Variants in AGPS observed in about 807,000 individuals in gnomAD.
AGPS encodes the protein alkylglycerone phosphate synthase, also known as alkyldihydroxyacetonephosphate synthase, peroxisomal.
AGPS carries 26 observed loss-of-function variants against 90.7 expected under a neutral mutation model. The observed-to-expected ratio is 0.29, with a 90% confidence interval of 0.21 to 0.40. The LOEUF is 0.40. Ranked by LOEUF, AGPS falls within the 10% of genes least tolerant of loss-of-function variation. AGPS has a pLI of 1.00. For synonymous variants in AGPS, 294 were observed against 285.3 expected (o/e 1.03, Z -0.31); for missense variants, 540 against 816.1 (o/e 0.66, Z 4.12).
intron 19 of AGPS, among the ~76,000 whole-genome samples, chr2:177,528,677 G>T (rs954456200): frequency 6.6e-6 from 1 of 151,902 alleles, no homozygotes; most frequent in Non-Finnish European, 1.5e-5. Flanking sequence ...TATCTTGTTT[G>T]TCACTGTATT....
chr2:177,430,110 C>T (rs1442195659), intron 2 of AGPS, among the ~76,000 whole-genome samples: 1 of 152,210 alleles, frequency 6.6e-6, no homozygotes, highest in Non-Finnish European at 1.5e-5. Context: ...GTGTGGGATT[C>T]CTTCTCATTC....
At chr2:177,485,391 A>G (rs745764614) in intron 11 of AGPS, among the ~76,000 whole-genome samples, 1 of 152,208 alleles carries the variant, frequency 6.6e-6, no homozygotes, top group Non-Finnish European at 1.5e-5. Flanking sequence ...TACAATGGAA[A>G]TGTTGATTTC....
At chr2:177,398,218 C>T (rs1320624531) in intron 1 of AGPS, among the ~76,000 whole-genome samples, 3 of 152,064 alleles carry the variant, frequency 2.0e-5, no homozygotes, top group Non-Finnish European at 2.9e-5. Context: ...AACTTAACAT[C>T]GTTTGGCAAA....
intron 11 of AGPS, among the ~76,000 whole-genome samples, chr2:177,485,489 C>T (rs1252544594): frequency 6.6e-6 from 1 of 152,136 alleles, no homozygotes; most frequent in Non-Finnish European, 1.5e-5. Context: ...ACACAGAAGA[C>T]CTACTTGTGC....
intron 1 of AGPS, among the ~76,000 whole-genome samples, chr2:177,402,414 G>C (rs1685355125): frequency 6.6e-6 from 1 of 152,158 alleles, no homozygotes; most frequent in Non-Finnish European, 1.5e-5. Context: ...TTAAACTTCA[G>C]CTTCTGATTT....
At chr2:177,417,578 T>C (rs986079899) in intron 1 of AGPS, among the ~76,000 whole-genome samples, 2 of 152,220 alleles carry the variant, frequency 1.3e-5, no homozygotes, top group African/African-American at 4.8e-5. Context: ...GGGTTTCAGA[T>C]ATTATTGCCT....
intron 2 of AGPS, among the ~76,000 whole-genome samples, chr2:177,430,194 C>G (rs567094700): frequency 2.0e-5 from 3 of 152,238 alleles, no homozygotes; most frequent in African/African-American, 7.2e-5. Flanking sequence ...GGTGGTTGCT[C>G]CTCCTTCAGG....
chr2:177,396,460 T>C (rs953494058), intron 1 of AGPS, among the ~76,000 whole-genome samples: 9 of 151,964 alleles, frequency 5.9e-5, no homozygotes, highest in Non-Finnish European at 1.3e-4. Flanking sequence ...TAAAGAAAAA[T>C]GAAGCAGCTG....
In AGPS at chr2:177,511,750, T is replaced by C. The variant is rs558273381; in HGVS notation, c.1608-2069T>C. On this transcript the variant is annotated intron_variant, in intron 16 of 19. Transcript: ENST00000264167. ...CCAAGTGGACTGTGTTAGCCTCTTA[T>C]CAAGTTCTGTGAGAGAATACTTTCA... 2.0e-5 allele frequency among the ~76,000 whole-genome samples: 3 copies of C among 152,350 alleles called. No homozygotes were observed. The East Asian group carries it at 5.8e-4, about 29-fold the overall frequency.
At chr2:177,407,312 AG>A (rs1685495151) in intron 1 of AGPS, among the ~76,000 whole-genome samples, 1 of 152,226 alleles carries the variant, frequency 6.6e-6, no homozygotes, top group Non-Finnish European at 1.5e-5. Flanking sequence ...TTTCTATATT[AG>A]ACCATTTTTG....
intron 1 of AGPS, among the ~76,000 whole-genome samples, chr2:177,414,233 G>A (rs1013446892): frequency 1.3e-5 from 2 of 151,796 alleles, no homozygotes; most frequent in African/African-American, 2.4e-5. Flanking sequence ...TTTTGAGACA[G>A]GACCTCACTC....
At position 177,438,624 on chromosome 2, in the gene AGPS, A is replaced by G. The variant is rs115851373; in HGVS notation, c.637+1570A>G. Reference sequence around the variant, plus strand: ...ATATCCAGGTTTTTGTGAAGCCATAAGGGTTTTCATGCCGCATGTTTCTTG... The same window carrying G: ...ATATCCAGGTTTTTGTGAAGCCATAGGGGTTTTCATGCCGCATGTTTCTTG... On this transcript the variant is annotated intron_variant, in intron 5 of 19. Coordinates refer to ENST00000264167, the MANE Select transcript of AGPS (RefSeq NM_003659.4). Among the ~76,000 whole-genome samples the G allele has an allele frequency of 4.9e-3, 743 of 152,170 alleles. 5 individuals are homozygous for G. The highest frequency in any genetic ancestry group is 0.017 in the African/African-American group (702 of 41,490).
intron 19 of AGPS, among the ~76,000 whole-genome samples, chr2:177,532,547 G>GTT (rs2079148002): frequency 6.6e-6 from 1 of 152,164 alleles, no homozygotes; most frequent in Non-Finnish European, 1.5e-5. Context: ...CTGGAAAACA[G>GTT]TTTGGCAGTT....
chr2:177,416,890 G>T (rs1361518430), intron 1 of AGPS, among the ~76,000 whole-genome samples: 1 of 152,140 alleles, frequency 6.6e-6, no homozygotes, highest in East Asian at 1.9e-4. Flanking sequence ...TGGAATGTCT[G>T]AGATCATACT....
chr2:177,511,259 T>G (rs1688861998), intron 16 of AGPS, among the ~76,000 whole-genome samples: 2 of 152,080 alleles, frequency 1.3e-5, no homozygotes, highest in African/African-American at 4.8e-5. Flanking sequence ...GTCACCATGC[T>G]TGGCTAATTT....
intron 8 of AGPS, among the ~76,000 whole-genome samples, chr2:177,456,802 G>C (rs1400086027): frequency 6.6e-6 from 1 of 152,078 alleles, no homozygotes; most frequent in African/African-American, 2.4e-5. Context: ...AAATTAACAA[G>C]GATATTCAGG....
chr2:177,452,321 C>A (rs1178227522), intron 8 of AGPS, among the ~76,000 whole-genome samples: 2 of 152,120 alleles, frequency 1.3e-5, no homozygotes, highest in Admixed American at 1.3e-4. Flanking sequence ...ATTTCTTCTG[C>A]AGTTCTATTT....
intron 11 of AGPS, among the ~76,000 whole-genome samples, chr2:177,482,972 CT>C (rs1200893380): frequency 6.6e-6 from 1 of 151,310 alleles, no homozygotes; most frequent in Non-Finnish European, 1.5e-5. Flanking sequence ...TCTAGCCTCT[CT>C]TTTTTTTTCT....
intron 15 of AGPS, among the ~76,000 whole-genome samples, chr2:177,506,297 T>C (rs1688710353): frequency 6.6e-6 from 1 of 151,718 alleles, no homozygotes; most frequent in Non-Finnish European, 1.5e-5. Flanking sequence ...AGATATCCTA[T>C]TGAGAATTTG....
Sources: gnomAD v4.1 joint callset for allele counts (sites outside exome capture counted in the v4.1 genomes callset) on GRCh38, gnomAD v4.1.1 for gene constraint, MANE v1.5 for transcripts, NCBI Gene and HGNC (gene_info 2026-07-23, HGNC 2026-07-21) for gene names.